DNAH7: variants seen among roughly 807,000 people sequenced by gnomAD.
DNAH7 encodes dynein axonemal heavy chain 7.
A neutral mutation model predicts 444.6 loss-of-function variants in DNAH7; 397 were observed. That is an observed-to-expected ratio of 0.89 (90% CI 0.82 to 0.97). The LOEUF (loss-of-function observed/expected upper bound fraction) is 0.97. Among genes scored for constraint, DNAH7 ranks in the 50% least tolerant of loss-of-function variants. DNAH7 has a pLI of 0.00. For synonymous variants in DNAH7, 1,636 were observed against 1,624.4 expected (o/e 1.01, Z -0.17); for missense variants, 4,902 against 4,800.8 (o/e 1.02, Z -0.62).
chr2:195,808,230 C>G (rs1000546562), intron 53 of DNAH7, among the ~76,000 whole-genome samples: 2 of 152,072 alleles, frequency 1.3e-5, no homozygotes, highest in Non-Finnish European at 2.9e-5. Flanking sequence ...TATAATACTC[C>G]CCAGTTAGTA....
At chr2:196,016,924 A>G (rs1695054502) in intron 9 of DNAH7, among the ~76,000 whole-genome samples, 1 of 152,216 alleles carries the variant, frequency 6.6e-6, no homozygotes, top group Non-Finnish European at 1.5e-5. Context: ...AAAAATTACG[A>G]ACTCTTACTG....
chr2:195,745,623 C>T (rs1400623971), intron 63 of DNAH7, among the ~76,000 whole-genome samples: 1 of 152,214 alleles, frequency 6.6e-6, no homozygotes, highest in Non-Finnish European at 1.5e-5. Flanking sequence ...GGGTTACCCA[C>T]AAAGGGAAGC....
chr2:195,897,904 T>C (rs1574704036), intron 28 of DNAH7, 139 bp from the exon 29 acceptor site: 1 of 464,148 alleles, frequency 2.2e-6, no homozygotes, highest in East Asian at 3.3e-5. Flanking sequence ...TTATATTGGA[T>C]TGTTATGAAT....
At chr2:196,014,159 C>A (rs967050376) in intron 9 of DNAH7, among the ~76,000 whole-genome samples, 1 of 152,184 alleles carries the variant, frequency 6.6e-6, no homozygotes, top group African/African-American at 2.4e-5. Context: ...TACTACCAGA[C>A]ACTGTTCTTG....
At chr2:195,874,175 G>T (rs1042797212) in intron 38 of DNAH7, among the ~76,000 whole-genome samples, 1 of 152,142 alleles carries the variant, frequency 6.6e-6, no homozygotes, top group Non-Finnish European at 1.5e-5. Context: ...ATCTTGAAGC[G>T]AATTTACCCA....
chr2:195,936,529 T>C lies in DNAH7; in HGVS notation c.3272+70A>G. 2.9e-6 allele frequency: 3 copies of C among 1,021,222 alleles called. No individual in the cohort carries two copies. The South Asian group carries it at 5.6e-5, about 19-fold the overall frequency. The allele number at this position is 1,021,222 out of a possible 1,614,324, so 63.3% of individuals were successfully genotyped here. On this transcript the variant is annotated intron_variant, in intron 20 of 64. Transcript: ENST00000312428. ...TAAACATGATTATATATATTTATGT[T>C]CTACTTTGTTCTAAAAATTAAGTTT...
intron 8 of DNAH7, 127 bp downstream of exon 8, chr2:196,024,298 AATAC>A: frequency 1.9e-6 from 1 of 526,122 alleles, no homozygotes; most frequent in Non-Finnish European, 3.1e-6. Context: ...CTGTATATGA[AATAC>A]ATACATACAC....
intron 42 of DNAH7, among the ~76,000 whole-genome samples, chr2:195,859,758 G>A (rs1052162833): frequency 2.7e-4 from 41 of 152,290 alleles, no homozygotes; most frequent in Non-Finnish European, 4.6e-4. Context: ...AGAGGGGACC[G>A]AATGTATGGC....
At position 196,001,707 on chromosome 2, in the gene DNAH7, G is replaced by A. The variant is rs1694046195; in HGVS notation, c.1141C>T (p.Gln381Ter). ...TGTGCAATTAAGTCCGTGAAATCTT[G>A]CATGGAGACTAAAGTGAGGTCCTGC... Reference protein sequence around the residue: ...QLQDLTLVSMQDFTDLIAQPP... With the variant: ...QLQDLTLVSM Residue 381 changes from glutamine (Q) to a stop codon, truncating the protein, a stop_gained, in exon 11 of 65, where the codon CAA (glutamine) becomes TAA (stop). Coordinates refer to ENST00000312428, the MANE Select transcript of DNAH7 (RefSeq NM_018897.3). LOFTEE classifies it high-confidence loss of function. 2 of 1,591,592 alleles carry A rather than the reference G, an allele frequency of 1.3e-6. No individual in the cohort carries two copies. Among genetic ancestry groups the A allele is most frequent in the African/African-American group, 1.3e-5 (1 of 74,124 alleles).
rs1237091397 is a variant in DNAH7 at position 196,027,949 on chromosome 2, T to C, written c.486+11A>G. On this transcript the variant is annotated intron_variant, in intron 6 of 64. Coordinates refer to ENST00000312428, the MANE Select transcript of DNAH7 (RefSeq NM_018897.3). ...TTTTCAATTATACAGACAAAACAAA[T>C]GGCCAGTTACCAAGATGTCTTTCTC... 1.3e-5 allele frequency: 21 copies of C among 1,608,706 alleles called. No individual in the cohort carries two copies. Among genetic ancestry groups the C allele is most frequent in the African/African-American group, 2.7e-5 (2 of 74,618 alleles).
Position 195,737,931 on chromosome 2 carries a change from A to C in DNAH7, c.12065T>G (p.Leu4022Arg). The C allele has an allele frequency of 6.2e-7, 1 of 1,613,934 alleles. No homozygotes were observed. Among genetic ancestry groups the C allele is most frequent in the South Asian group, 1.1e-5 (1 of 91,076 alleles). Residue 4022 changes from leucine to arginine, a missense_variant, in exon 65 of 65, where the codon CTT becomes CGT. Physicochemically the swap from Leu to Arg is moderately radical, Grantham distance 102 (BLOSUM62 -2). Coordinates refer to ENST00000312428, the MANE Select transcript of DNAH7 (RefSeq NM_018897.3). ...IGRGVALLCQ[L>R]NS ...AATGATGTCTTCTGGTTATGAATTA[A>C]GTTGACATAACAGTGCTACACCTCG... is the stretch of plus-strand genomic sequence containing the variant.
rs1238331047 is a variant in DNAH7, at chr2:195,740,615, GTATA to G, written c.11868+147_11868+150del. ...TGTGTGTGTGTGTGTGTGTGTGTGT[GTATA>G]TATATATATATATATATATATATAT... is the stretch of plus-strand genomic sequence containing the variant. On this transcript the variant is annotated intron_variant, in intron 64 of 64. Transcript: ENST00000312428. 188 of 71,474 alleles carry G rather than the reference GTATA, an allele frequency of 2.6e-3. 4 individuals carry two copies. The highest frequency in any genetic ancestry group is 0.024 in the Middle Eastern group (4 of 170). 4.4% of individuals were successfully genotyped at this position (71,474 alleles called of 1,614,324 possible).
chr2:195,756,048 GTAATACTCATTACAT>G lies in DNAH7; in HGVS notation c.11586+70_11586+84del, dbSNP rs1694053997. The G allele has an allele frequency of 3.8e-5, 53 of 1,396,452 alleles. 1 individual carries two copies. In the South Asian group the frequency reaches 6.9e-4, roughly 18 times the overall value. The allele number at this position is 1,396,452 out of a possible 1,614,324, so 86.5% of individuals were successfully genotyped here. A position where few individuals can be genotyped will look rare whatever the true frequency, so the allele number is the denominator to read the frequency against. Reference sequence around the variant, plus strand: ...CTGGGATGCACAGAAAAACTAGAGAGTAATACTCATTACATTAAGCATTCTGACGAAGAAAATGAA... The same window carrying G: ...CTGGGATGCACAGAAAAACTAGAGAGTAAGCATTCTGACGAAGAAAATGAA... On this transcript the variant is annotated intron_variant, in intron 62 of 64. Coordinates refer to ENST00000312428, the MANE Select transcript of DNAH7 (RefSeq NM_018897.3).
chr2:195,805,520 G>A (rs934272627), intron 54 of DNAH7, among the ~76,000 whole-genome samples: 3 of 152,062 alleles, frequency 2.0e-5, no homozygotes, highest in Admixed American at 6.6e-5. Flanking sequence ...TGTCTCACCA[G>A]GGTCATAAAG....
intron 60 of DNAH7, 100 bp downstream of exon 60, chr2:195,775,746 T>C: frequency 7.7e-7 from 1 of 1,300,578 alleles, no homozygotes; most frequent in Admixed American, 2.7e-5. Flanking sequence ...TTTCTCCACT[T>C]GAACAGAATT....
Position 195,771,744 on chromosome 2 carries a change from A to G in DNAH7, c.11349T>C (p.Thr3783=), listed in dbSNP as rs1694851086. 1 of 1,614,150 alleles carries G rather than the reference A, an allele frequency of 6.2e-7. No individual in the cohort carries two copies. The change falls in exon 61 of 65, where the codon ACT becomes ACC. Residue 3783 remains threonine, a synonymous_variant. Coordinates refer to ENST00000312428, the MANE Select transcript of DNAH7 (RefSeq NM_018897.3). ...ACCGTCCCATCTCTTGGACAAGTAC[A>G]GTGTTCATGCTCTGAGTATAAGTTG... The part of the protein sequence containing the change: ...YPTTYTQSMN[T]VLVQEMGRFN...
At chr2:196,003,604 A>G (rs113444539) in intron 10 of DNAH7, among the ~76,000 whole-genome samples, 2 of 152,232 alleles carry the variant, frequency 1.3e-5, no homozygotes, top group Admixed American at 6.5e-5. Flanking sequence ...CATAAGGAAG[A>G]TATCACTTTT....
intron 40 of DNAH7, among the ~76,000 whole-genome samples, chr2:195,865,743 T>C (rs918232801): frequency 2.6e-5 from 4 of 152,146 alleles, no homozygotes; most frequent in Non-Finnish European, 5.9e-5. Flanking sequence ...GCCATAACTC[T>C]CAATGTGACT....
chr2:195,954,269 CAT>C (rs1483500078), intron 19 of DNAH7, among the ~76,000 whole-genome samples: 1 of 152,138 alleles, frequency 6.6e-6, no homozygotes, highest in Non-Finnish European at 1.5e-5. Flanking sequence ...TGAGTGAGAA[CAT>C]GTGGTGTTTG....
Sources: allele counts gnomAD v4.1 joint callset (sites outside exome capture counted in the v4.1 genomes callset), GRCh38; gene constraint gnomAD v4.1.1; transcripts MANE v1.5; gene names NCBI Gene and HGNC (gene_info 2026-07-23, HGNC 2026-07-21).